SCHIP1: variants seen among roughly 807,000 people sequenced by gnomAD.
The protein encoded by SCHIP1 is schwannomin interacting protein 1.
In SCHIP1, 8 loss-of-function variants were observed where a neutral mutation model predicts 29.7. The observed-to-expected ratio is 0.27, with a 90% CI of 0.16 to 0.49. The LOEUF is 0.49. Ranked by LOEUF, SCHIP1 falls within the 20% of genes least tolerant of loss-of-function variation. The pLI, the probability that SCHIP1 is intolerant of heterozygous loss-of-function variation, is 0.99. For missense variants in SCHIP1, 193 were observed against 294.6 expected (o/e 0.66, Z 2.52); for synonymous variants, 76 against 94.9 (o/e 0.80, Z 1.16).
chr3:159,293,937 C>T, the SCHIP1 span, among the ~76,000 whole-genome samples: 3 of 152,138 alleles, frequency 2.0e-5, no homozygotes, highest in South Asian at 4.2e-4. Context: ...CTGTTAGATT[C>T]GTGCTAGAAA....
chr3:159,368,840 C>T, the SCHIP1 span, among the ~76,000 whole-genome samples: 152 of 152,238 alleles, frequency 1.0e-3, no homozygotes, highest in Non-Finnish European at 1.8e-3. Flanking sequence ...CCTGGAGAGA[C>T]GTGTCTTGAC....
chr3:159,496,799 T>A, the SCHIP1 span, among the ~76,000 whole-genome samples: 2 of 152,162 alleles, frequency 1.3e-5, no homozygotes, highest in Non-Finnish European at 1.5e-5. Context: ...TAAAGACACA[T>A]GCACACGTAT....
the SCHIP1 span, among the ~76,000 whole-genome samples, chr3:159,634,727 A>G: frequency 1.3e-5 from 2 of 152,336 alleles, no homozygotes; most frequent in East Asian, 3.8e-4. Flanking sequence ...CAAAGTATAC[A>G]TTATATGTGA....
the SCHIP1 span, among the ~76,000 whole-genome samples, chr3:159,511,001 A>G: frequency 8.1e-3 from 1,230 of 152,302 alleles, 15 homozygotes; most frequent in African/African-American, 0.028. Flanking sequence ...AAGCTGTCAA[A>G]CAGGGACATT....
At chr3:159,503,230 G>T in the SCHIP1 span, among the ~76,000 whole-genome samples, 1 of 152,144 alleles carries the variant, frequency 6.6e-6, no homozygotes, top group Non-Finnish European at 1.5e-5. Context: ...GGGAGGCATG[G>T]TGACATGTCT....
At chr3:159,610,392 T>A in the SCHIP1 span, among the ~76,000 whole-genome samples, 2 of 152,224 alleles carry the variant, frequency 1.3e-5, no homozygotes, top group Non-Finnish European at 2.9e-5. Context: ...CGAGATTTTG[T>A]GGGGGGTGAT....
the SCHIP1 span, among the ~76,000 whole-genome samples, chr3:159,582,368 T>A: frequency 3.9e-5 from 6 of 152,104 alleles, no homozygotes; most frequent in African/African-American, 1.4e-4. Context: ...TGTCTTACTA[T>A]GTTGCCAGGG....
the SCHIP1 span, among the ~76,000 whole-genome samples, chr3:159,563,836 A>G: frequency 1.3e-5 from 2 of 152,208 alleles, no homozygotes; most frequent in Admixed American, 6.5e-5. Flanking sequence ...AAAAGAAAAA[A>G]AAAGTAGAAG....
At chr3:159,365,219 G>A in the SCHIP1 span, among the ~76,000 whole-genome samples, 1 of 152,082 alleles carries the variant, frequency 6.6e-6, no homozygotes, top group Non-Finnish European at 1.5e-5. Flanking sequence ...AGTAATATAG[G>A]CCTGCCTCTA....
chr3:159,526,129 C>G, the SCHIP1 span, among the ~76,000 whole-genome samples: 1 of 152,106 alleles, frequency 6.6e-6, no homozygotes, highest in Non-Finnish European at 1.5e-5. Context: ...AAAATACTTC[C>G]CACTTTTCTC....
chr3:159,598,389 G>C, the SCHIP1 span, among the ~76,000 whole-genome samples: 1 of 152,110 alleles, frequency 6.6e-6, no homozygotes, highest in Non-Finnish European at 1.5e-5. Context: ...AGATACAATG[G>C]GTGTGCAGGC....
chr3:159,866,715 G>A (rs1026589985), intron 2 of SCHIP1, among the ~76,000 whole-genome samples: 5 of 151,964 alleles, frequency 3.3e-5, no homozygotes, highest in East Asian at 1.9e-4. Flanking sequence ...TACAATTCCC[G>A]CTTTGATCAT....
chr3:159,329,235 C>T, the SCHIP1 span, among the ~76,000 whole-genome samples: 19 of 152,288 alleles, frequency 1.2e-4, no homozygotes, highest in South Asian at 6.2e-4. Flanking sequence ...TATGCACACA[C>T]ACACACATAA....
upstream of SCHIP1, chr3:159,839,843 C>G (rs555227371): frequency 1.6e-6 from 2 of 1,281,006 alleles, no homozygotes; most frequent in Admixed American, 7.7e-5. Flanking sequence ...GAAGGTCACA[C>G]CAGCTCCAGA....
chr3:159,428,967 G>A, the SCHIP1 span, among the ~76,000 whole-genome samples: 5 of 149,296 alleles, frequency 3.3e-5, no homozygotes, highest in Admixed American at 2.0e-4. Context: ...AACACCGCAT[G>A]TTCTCACTCA....
At chr3:159,393,414 C>T in the SCHIP1 span, among the ~76,000 whole-genome samples, 53 of 151,930 alleles carry the variant, frequency 3.5e-4, no homozygotes, top group East Asian at 0.01. Flanking sequence ...ATGGTAATGC[C>T]TAGGTTTTCT....
chr3:159,860,272 C>T (rs1413811359), intron 1 of SCHIP1, among the ~76,000 whole-genome samples: 1 of 152,162 alleles, frequency 6.6e-6, no homozygotes, highest in African/African-American at 2.4e-5. Flanking sequence ...CTATAGGTAA[C>T]ACCAGTGTAA....
At chr3:159,357,787 C>T in the SCHIP1 span, among the ~76,000 whole-genome samples, 3 of 152,124 alleles carry the variant, frequency 2.0e-5, no homozygotes, top group African/African-American at 7.2e-5. Context: ...GGTTCTATCC[C>T]GGATATCTGA....
At chr3:159,787,925 A>C in the SCHIP1 span, among the ~76,000 whole-genome samples, 1 of 152,180 alleles carries the variant, frequency 6.6e-6, no homozygotes, top group Non-Finnish European at 1.5e-5. Flanking sequence ...GCATGGTTTC[A>C]AAGAAATGTG....
Sources: allele counts gnomAD v4.1 joint callset (sites outside exome capture counted in the v4.1 genomes callset), GRCh38; gene constraint gnomAD v4.1.1; transcripts MANE v1.5; gene names NCBI Gene and HGNC (gene_info 2026-07-23, HGNC 2026-07-21).